Variants in TOGARAM2 observed in about 807,000 individuals in gnomAD.
The protein encoded by TOGARAM2 is TOG array regulator of axonemal microtubules 2, also known as TOG array regulator of axonemal microtubules protein 2.
Under a neutral mutation model 93.3 loss-of-function variants are expected in TOGARAM2, and 85 were observed. The observed-to-expected ratio is 0.91, with a 90% CI of 0.76 to 1.09. The LOEUF (loss-of-function observed/expected upper bound fraction) is 1.09. TOGARAM2 is among the 50% of genes least tolerant of loss of function. The pLI is 0.00. For missense variants in TOGARAM2, 1,277 were observed against 1,334.5 expected (o/e 0.96, Z 0.67); for synonymous variants, 593 against 552.8 (o/e 1.07, Z -1.02).
At chr2:29,033,595 A>G (rs199621182) in intron 16 of TOGARAM2, 32 bp downstream of exon 16, 10 of 1,595,376 alleles carry the variant, frequency 6.3e-6, no homozygotes, top group Non-Finnish European at 8.6e-6. Context: ...TGGGCTTCAC[A>G]TCTAAGACTT....
chr2:29,029,264 TACAC>T (rs146395549), intron 14 of TOGARAM2, among the ~76,000 whole-genome samples: 92 of 147,974 alleles, frequency 6.2e-4, no homozygotes, highest in African/African-American at 1.6e-3. Context: ...TATGTGTGTA[TACAC>T]ACACACACAC....
At position 28,994,757 on chromosome 2, in the gene TOGARAM2, C is replaced by T; in HGVS notation, c.-78C>T. 6.8e-7 allele frequency: 1 copy of T among 1,477,154 alleles called. No homozygotes were observed. The highest frequency in any genetic ancestry group is 9.3e-7 in the Non-Finnish European group (1 of 1,079,868). 91.5% of individuals were successfully genotyped at this position (1,477,154 alleles called of 1,614,324 possible). A position where few individuals can be genotyped will look rare whatever the true frequency, so the allele number is the denominator to read the frequency against. ...ATGTTACAGGTCAGAGCCCTCCAGACCCCCAAGGACTGTACTCACTGCCCA... is the reference window on the plus strand; with the variant it reads ...ATGTTACAGGTCAGAGCCCTCCAGATCCCCAAGGACTGTACTCACTGCCCA... On this transcript the variant is annotated 5_prime_UTR_variant, in exon 2 of 20. Transcript: ENST00000379558.
Position 29,003,593 on chromosome 2 carries a change from A to G in TOGARAM2, c.741A>G (p.Ala247=). Residue 247 remains alanine, a synonymous_variant, in exon 6 of 20, where the codon GCA becomes GCG. Transcript: ENST00000379558. ...IPPIPKARTV[A]ATPSRVPGSL... is the part of the protein sequence containing the mutation. Reference sequence around the variant, plus strand: ...CCATCCCAAAGGCCAGGACGGTTGCAGCGACCCCCTCCCGTGTGCCTGGCT... The same window carrying G: ...CCATCCCAAAGGCCAGGACGGTTGCGGCGACCCCCTCCCGTGTGCCTGGCT... 1.3e-6 allele frequency: 2 copies of G among 1,596,022 alleles called. No individual in the cohort carries two copies. The highest frequency in any genetic ancestry group is 3.3e-4 in the Middle Eastern group (2 of 6,018).
intron 1 of TOGARAM2, among the ~76,000 whole-genome samples, chr2:28,989,074 G>A (rs1442537505): frequency 1.3e-5 from 2 of 152,196 alleles, no homozygotes; most frequent in African/African-American, 4.8e-5. Flanking sequence ...TTTTGAGCTG[G>A]AGTCTTGCTC....
At position 29,022,207 on chromosome 2, in the gene TOGARAM2, AGAG is replaced by A. The variant is rs755236634; in HGVS notation, c.1417_1419del (p.Glu473del). The A allele has an allele frequency of 1.2e-6, 2 of 1,614,038 alleles. No homozygotes were observed. Among genetic ancestry groups the A allele is most frequent in the Admixed American group, 3.3e-5 (2 of 60,034 alleles). On this transcript the variant is annotated inframe_deletion, in exon 11 of 20. Transcript: ENST00000379558. ...CGTTGGGGTCTCCTGAATGGGAAGA[AGAG>A]GAGGAGATGGATCTTAGAGCCTGTA...
At chr2:29,017,033 T>G in intron 8 of TOGARAM2, 121 bp from the exon 9 acceptor site, 1 of 1,245,522 alleles carries the variant, frequency 8.0e-7, no homozygotes, top group Non-Finnish European at 1.1e-6. Flanking sequence ...GTGCAAGGAG[T>G]TTGTCTTTTT....
At chr2:28,958,341 TG>T (rs1324425903) in intron 1 of TOGARAM2, among the ~76,000 whole-genome samples, 1 of 151,660 alleles carries the variant, frequency 6.6e-6, no homozygotes, top group African/African-American at 2.4e-5. Flanking sequence ...GGTCTTGCCC[TG>T]TTTTTCAGGC....
chr2:28,967,745 A>C (rs943242526), intron 1 of TOGARAM2, among the ~76,000 whole-genome samples: 4 of 151,690 alleles, frequency 2.6e-5, no homozygotes, highest in Non-Finnish European at 4.4e-5. Flanking sequence ...CTCATCTACA[A>C]AGCAAAGATA....
rs1490379045 is a variant in TOGARAM2 at position 28,960,940 on chromosome 2, A to T, written c.-147+4243A>T. On this transcript the variant is annotated intron_variant, in intron 1 of 6. Coordinates refer to the TOGARAM2 transcript ENST00000401723. Reference sequence around the variant, plus strand: ...GTCTTAAGCTTGATTCGATTTGACAAGACATCAAAGGTGATGCTGTATACT... The same window carrying T: ...GTCTTAAGCTTGATTCGATTTGACATGACATCAAAGGTGATGCTGTATACT... 2.0e-5 allele frequency among the ~76,000 whole-genome samples: 3 copies of T among 152,234 alleles called. No homozygotes were observed. In the East Asian group the frequency reaches 5.8e-4, roughly 29 times the overall value.
intron 1 of TOGARAM2, among the ~76,000 whole-genome samples, chr2:28,958,480 A>AT (rs1427827791): frequency 1.3e-5 from 2 of 151,802 alleles, no homozygotes; most frequent in Non-Finnish European, 2.9e-5. Context: ...TAGTTTTTAA[A>AT]TTTTTTGTAG....
At chr2:29,014,655 C>A in intron 8 of TOGARAM2, 94 bp downstream of exon 8, 3 of 1,458,766 alleles carry the variant, frequency 2.1e-6, no homozygotes, top group Non-Finnish European at 2.7e-6. Context: ...AAGAGTGGGA[C>A]CAGCCACAGA....
chr2:28,980,820 G>A (rs997335628), upstream of TOGARAM2, among the ~76,000 whole-genome samples: 3 of 152,180 alleles, frequency 2.0e-5, no homozygotes, highest in Admixed American at 1.3e-4. Flanking sequence ...AATCCTTACA[G>A]CAACCCTATC....
intron 1 of TOGARAM2, among the ~76,000 whole-genome samples, chr2:28,972,865 CT>C (rs1030603459): frequency 2.0e-5 from 3 of 152,198 alleles, no homozygotes; most frequent in Admixed American, 2.0e-4. Context: ...TGGAAAGTTG[CT>C]GTCTGGCTTT....
rs541318820 is a variant in TOGARAM2, at chr2:29,041,575, T to C, written c.2636-3749T>C. 7.9e-5 allele frequency among the ~76,000 whole-genome samples: 12 copies of C among 152,340 alleles called. No homozygotes were observed. The South Asian group carries it at 2.5e-3, about 32-fold the overall frequency. Reference sequence around the variant, plus strand: ...AGCTCTTATCTGGCTTCCCAGTAGCTGGAGGATGATGTGGCCTGGTAGCCT... The same window carrying C: ...AGCTCTTATCTGGCTTCCCAGTAGCCGGAGGATGATGTGGCCTGGTAGCCT... On this transcript the variant is annotated intron_variant, in intron 18 of 19. Coordinates refer to ENST00000379558, the MANE Select transcript of TOGARAM2 (RefSeq NM_199280.4).
chr2:28,994,524 C>T (rs772435652), intron 1 of TOGARAM2, among the ~76,000 whole-genome samples: 60 of 152,280 alleles, frequency 3.9e-4, no homozygotes, highest in Middle Eastern at 3.4e-3. Context: ...CTCTTCATAA[C>T]GAACTCTTCC....
At chr2:29,047,913 G>A (rs1666839749) in intron 19 of TOGARAM2, 1 of 151,532 alleles carries the variant, frequency 6.6e-6, no homozygotes, top group Admixed American at 6.6e-5. Context: ...AGCCCCCCCA[G>A]CCTTTGGTGG....
chr2:29,030,604 T>G (rs1665709993), intron 14 of TOGARAM2, among the ~76,000 whole-genome samples: 1 of 152,220 alleles, frequency 6.6e-6, no homozygotes, highest in Non-Finnish European at 1.5e-5. Context: ...TGATGGTGAC[T>G]ACATTTCCTT....
Position 29,011,449 on chromosome 2 carries a change from T to G in TOGARAM2, c.831-6T>G, listed in dbSNP as rs760203962. The G allele has an allele frequency of 6.2e-7, 1 of 1,610,918 alleles. No homozygotes were observed. Among genetic ancestry groups the G allele is most frequent in the South Asian group, 1.1e-5 (1 of 90,630 alleles). On this transcript the variant is annotated splice_region_variant and splice_polypyrimidine_tract_variant and intron_variant, in intron 6 of 19. Coordinates refer to ENST00000379558, the MANE Select transcript of TOGARAM2 (RefSeq NM_199280.4). Reference sequence around the variant, plus strand: ...ATGATGCTTTTCTCTCCCCCGTTCTTTTAAGATTGGCTCGGGGGAGTGGGC... The same window carrying G: ...ATGATGCTTTTCTCTCCCCCGTTCTGTTAAGATTGGCTCGGGGGAGTGGGC...
intron 15 of TOGARAM2, 101 bp downstream of exon 15, chr2:29,033,152 TC>T: frequency 1.1e-6 from 1 of 917,246 alleles, no homozygotes; most frequent in Non-Finnish European, 1.7e-6. Flanking sequence ...GGGAGTGGAT[TC>T]CAGAGATGTT....
Sources: allele counts gnomAD v4.1 joint callset (sites outside exome capture counted in the v4.1 genomes callset), GRCh38; gene constraint gnomAD v4.1.1; transcripts MANE v1.5; gene names NCBI Gene and HGNC (gene_info 2026-07-23, HGNC 2026-07-21).